MACROD2: variants seen among roughly 807,000 people sequenced by gnomAD.
The protein encoded by MACROD2 is ADP-ribose glycohydrolase MACROD2.
In MACROD2, 36 loss-of-function variants were observed where a neutral mutation model predicts 70.4. That is an observed-to-expected ratio of 0.51 (90% CI 0.39 to 0.68). The LOEUF is 0.68. Among genes scored for constraint, MACROD2 ranks in the 30% least tolerant of loss-of-function variants. The pLI, the probability that MACROD2 is intolerant of heterozygous loss-of-function variation, is 0.00. For synonymous variants in MACROD2, 172 were observed against 178.8 expected (o/e 0.96, Z 0.30); for missense variants, 496 against 538.4 (o/e 0.92, Z 0.78).
At chr20:14,926,951 G>A (rs4561719) in intron 5 of MACROD2, among the ~76,000 whole-genome samples, 21,949 of 152,146 alleles carry the variant, frequency 0.14, 1,745 homozygotes, top group South Asian at 0.19. Context: ...GGTTTCCTGT[G>A]ATTCCAGTGA....
In MACROD2 at chr20:15,673,116, G is replaced by A. The variant is rs567295699; in HGVS notation, c.645+173269G>A. On this transcript the variant is annotated intron_variant, in intron 8 of 17. Coordinates refer to ENST00000684519, the MANE Select transcript of MACROD2 (RefSeq NM_001351661.2). Reference sequence around the variant, plus strand: ...TGTCTTTATTAACAGTGTGTAAACAGACTAATAGAGCCACCATCTCTCTAC... The same window carrying A: ...TGTCTTTATTAACAGTGTGTAAACAAACTAATAGAGCCACCATCTCTCTAC... Among the ~76,000 whole-genome samples the A allele has an allele frequency of 1.2e-3, 190 of 152,228 alleles. 1 individual carries two copies. Among genetic ancestry groups the A allele is most frequent in the Admixed American group, 5.6e-3 (86 of 15,296 alleles).
chr20:15,690,117 C>T (rs905502570), intron 8 of MACROD2, among the ~76,000 whole-genome samples: 3 of 152,118 alleles, frequency 2.0e-5, no homozygotes, highest in Admixed American at 6.5e-5. Context: ...GTCTGCTGTG[C>T]GCAGAATGCT....
At chr20:13,998,266 G>A (rs1002582083) in intron 1 of MACROD2, among the ~76,000 whole-genome samples, 11 of 151,732 alleles carry the variant, frequency 7.2e-5, no homozygotes, top group African/African-American at 2.7e-4. Flanking sequence ...AAACATGTTT[G>A]ATCTAGTATT....
intron 5 of MACROD2, among the ~76,000 whole-genome samples, chr20:15,050,533 C>CTTTTT (rs386393390): frequency 2.8e-4 from 22 of 77,896 alleles, no homozygotes; most frequent in African/African-American, 7.5e-4. Flanking sequence ...CTATTTAGGT[C>CTTTTT]TTTTTTTTTT....
chr20:14,233,528 T>TA (rs71190121), intron 3 of MACROD2, among the ~76,000 whole-genome samples: 40 of 143,862 alleles, frequency 2.8e-4, no homozygotes, highest in African/African-American at 9.5e-4. Context: ...CCGTCTCTAC[T>TA]AAAAAAAAAA....
intron 3 of MACROD2, among the ~76,000 whole-genome samples, chr20:14,437,830 C>T (rs576533332): frequency 6.6e-6 from 1 of 152,120 alleles, no homozygotes; most frequent in African/African-American, 2.4e-5. Flanking sequence ...AATAAATTCT[C>T]TTGTGTATAT....
intron 8 of MACROD2, among the ~76,000 whole-genome samples, chr20:15,598,998 C>T (rs2048781662): frequency 6.6e-6 from 1 of 152,258 alleles, no homozygotes; most frequent in Non-Finnish European, 1.5e-5. Context: ...ATGCCCAGTG[C>T]TGGAGCCATC....
chr20:15,006,952 A>T (rs1237436453), intron 5 of MACROD2, among the ~76,000 whole-genome samples: 1 of 152,106 alleles, frequency 6.6e-6, no homozygotes, highest in African/African-American at 2.4e-5. Context: ...GTGTTTTTTT[A>T]AAAATGAACA....
intron 3 of MACROD2, among the ~76,000 whole-genome samples, chr20:14,138,675 TA>T (rs1197896956): frequency 1.3e-5 from 2 of 152,004 alleles, no homozygotes; most frequent in African/African-American, 4.8e-5. Flanking sequence ...AAGTTATAAA[TA>T]AATTTTGGAG....
chr20:15,218,878 C>G (rs2076833459), intron 5 of MACROD2, among the ~76,000 whole-genome samples: 1 of 151,880 alleles, frequency 6.6e-6, no homozygotes, highest in Admixed American at 6.5e-5. Flanking sequence ...ACACTTGTCT[C>G]TACTAAAAAT....
intron 5 of MACROD2, among the ~76,000 whole-genome samples, chr20:14,907,157 T>C (rs2073968748): frequency 6.6e-6 from 1 of 152,188 alleles, no homozygotes; most frequent in African/African-American, 2.4e-5. Flanking sequence ...TGCATGGCAA[T>C]AACCTGACAA....
intron 8 of MACROD2, among the ~76,000 whole-genome samples, chr20:15,809,971 G>A (rs1026856589): frequency 4.2e-4 from 63 of 149,240 alleles, no homozygotes; most frequent in East Asian, 6.0e-4. Context: ...CCATTAACTC[G>A]TCATTTAGCA....
chr20:14,744,961 G>A (rs767543199), intron 5 of MACROD2, among the ~76,000 whole-genome samples: 1 of 152,110 alleles, frequency 6.6e-6, no homozygotes, highest in Non-Finnish European at 1.5e-5. Flanking sequence ...GTGTTTCTCA[G>A]CAATAGATAA....
At chr20:15,309,013 C>T (rs1241056469) in intron 6 of MACROD2, among the ~76,000 whole-genome samples, 2 of 152,122 alleles carry the variant, frequency 1.3e-5, no homozygotes, top group Non-Finnish European at 1.5e-5. Flanking sequence ...CTTCTCTGTC[C>T]TATACAAAGC....
chr20:14,917,465 T>C (rs1267979447), intron 5 of MACROD2, among the ~76,000 whole-genome samples: 2 of 152,028 alleles, frequency 1.3e-5, no homozygotes, highest in African/African-American at 4.8e-5. Flanking sequence ...CAGGGAGGAC[T>C]CCATGATAGT....
At chr20:15,147,743 A>G (rs576552826) in intron 5 of MACROD2, among the ~76,000 whole-genome samples, 19 of 152,292 alleles carry the variant, frequency 1.2e-4, no homozygotes, top group African/African-American at 4.6e-4. Context: ...TGTGTGAGCA[A>G]CAAGACTGTT....
intron 3 of MACROD2, among the ~76,000 whole-genome samples, chr20:14,454,935 G>A (rs954367594): frequency 1.3e-5 from 2 of 151,802 alleles, no homozygotes; most frequent in African/African-American, 4.9e-5. Context: ...TGTATTTTTA[G>A]TAGAGACGGG....
intron 7 of MACROD2, among the ~76,000 whole-genome samples, chr20:15,470,890 T>C (rs6079848): frequency 0.52 from 78,626 of 151,926 alleles, 22,068 homozygotes; most frequent in East Asian, 0.84. Context: ...CCTCCCTCAC[T>C]TCCTTCTTTG....
At chr20:15,032,697 C>T (rs1388563083) in intron 5 of MACROD2, among the ~76,000 whole-genome samples, 1 of 152,194 alleles carries the variant, frequency 6.6e-6, no homozygotes, top group Non-Finnish European at 1.5e-5. Context: ...CAAAGAATTG[C>T]TACATGATCT....
Sources: allele counts gnomAD v4.1 joint callset (sites outside exome capture counted in the v4.1 genomes callset), GRCh38; gene constraint gnomAD v4.1.1; transcripts MANE v1.5; gene names NCBI Gene and HGNC (gene_info 2026-07-23, HGNC 2026-07-21).